The following RBMS3 variants were observed in gnomAD, a reference collection of about 807,000 sequenced individuals.
RBMS3 encodes the protein RNA binding motif single stranded interacting protein 3.
In RBMS3, 27 loss-of-function variants were observed where a neutral mutation model predicts 66.8. The ratio of observed to expected loss-of-function variants is 0.40; its 90% CI spans 0.30 to 0.56. The LOEUF (loss-of-function observed/expected upper bound fraction) is 0.56. RBMS3 is among the 20% of genes least tolerant of loss of function. The pLI is 0.40. For synonymous variants in RBMS3, 188 were observed against 183.0 expected (o/e 1.03, Z -0.22); for missense variants, 513 against 549.5 (o/e 0.93, Z 0.66).
At chr3:29,370,131 G>A (rs1282192584) in intron 1 of RBMS3, among the ~76,000 whole-genome samples, 1 of 152,164 alleles carries the variant, frequency 6.6e-6, no homozygotes, top group Non-Finnish European at 1.5e-5. Flanking sequence ...GTCTATAGAT[G>A]TAAAGAATTT....
chr3:29,922,301 C>A (rs1329478001), intron 10 of RBMS3, among the ~76,000 whole-genome samples: 5 of 151,488 alleles, frequency 3.3e-5, no homozygotes, highest in African/African-American at 1.2e-4. Context: ...TCCTGGCTAA[C>A]AAGGTGAAAC....
chr3:29,325,224 G>A (rs1467958926), intron 1 of RBMS3, among the ~76,000 whole-genome samples: 2 of 151,976 alleles, frequency 1.3e-5, no homozygotes, highest in East Asian at 1.9e-4. Context: ...TTTATATTTC[G>A]TTTGTGAAAA....
intron 6 of RBMS3, among the ~76,000 whole-genome samples, chr3:29,839,336 C>T (rs1313267693): frequency 6.6e-6 from 1 of 152,130 alleles, no homozygotes; most frequent in Non-Finnish European, 1.5e-5. Flanking sequence ...CGGTGGCTCT[C>T]ATAGTCAGGA....
At chr3:29,448,267 T>C (rs6804512) in intron 2 of RBMS3, among the ~76,000 whole-genome samples, 105,216 of 152,102 alleles carry the variant, frequency 0.69, 36,468 homozygotes, top group East Asian at 0.75. Context: ...TATCAGAGTA[T>C]GACTGTAAAA....
At chr3:29,647,037 G>A (rs895322732) in intron 4 of RBMS3, among the ~76,000 whole-genome samples, 2 of 152,122 alleles carry the variant, frequency 1.3e-5, no homozygotes, top group African/African-American at 4.8e-5. Context: ...AAGTGCAGTG[G>A]TGTGATCTTG....
chr3:29,500,509 C>T (rs560716252), intron 3 of RBMS3, among the ~76,000 whole-genome samples: 4 of 151,300 alleles, frequency 2.6e-5, no homozygotes, highest in Non-Finnish European at 5.9e-5. Flanking sequence ...TTTTGGTCAT[C>T]GACAAAACTC....
At chr3:29,511,141 C>CA (rs139431852) in intron 3 of RBMS3, among the ~76,000 whole-genome samples, 5,444 of 152,056 alleles carry the variant, frequency 0.036, 273 homozygotes, top group African/African-American at 0.11. Context: ...ACTAAAAATA[C>CA]AAAAAATTAG....
intron 4 of RBMS3, among the ~76,000 whole-genome samples, chr3:29,681,362 G>C (rs2051486212): frequency 6.6e-6 from 1 of 151,972 alleles, no homozygotes; most frequent in Non-Finnish European, 1.5e-5. Context: ...TTTATTTTAA[G>C]TTAATGGGTA....
At chr3:29,404,022 G>A (rs767133453) in intron 1 of RBMS3, among the ~76,000 whole-genome samples, 1 of 152,088 alleles carries the variant, frequency 6.6e-6, no homozygotes, top group East Asian at 1.9e-4. Context: ...TGAATATTCT[G>A]TACAGACACC....
At chr3:29,989,834 TAAGAAAATTA>T (rs1698709373) in intron 13 of RBMS3, among the ~76,000 whole-genome samples, 1 of 152,216 alleles carries the variant, frequency 6.6e-6, no homozygotes, top group South Asian at 2.1e-4. Flanking sequence ...ACCTATGCGA[TAAGAAAATTA>T]AAAATCTGGA....
intron 3 of RBMS3, among the ~76,000 whole-genome samples, chr3:29,572,335 A>G (rs2149068792): frequency 6.6e-6 from 1 of 152,240 alleles, no homozygotes; most frequent in African/African-American, 2.4e-5. Flanking sequence ...GAATGTGAAT[A>G]TCCTTGTCAT....
At chr3:29,376,508 C>T (rs963299407) in intron 1 of RBMS3, among the ~76,000 whole-genome samples, 11 of 152,254 alleles carry the variant, frequency 7.2e-5, no homozygotes, top group South Asian at 2.1e-4. Context: ...CGGTGGTTCA[C>T]GCCTGTAATC....
At chr3:29,785,612 G>A (rs1369200085) in intron 6 of RBMS3, among the ~76,000 whole-genome samples, 1 of 151,972 alleles carries the variant, frequency 6.6e-6, no homozygotes, top group Non-Finnish European at 1.5e-5. Context: ...CATCTCAATA[G>A]ATGCAGAAAA....
At position 29,564,768 on chromosome 3, in the gene RBMS3, C is replaced by T. The variant is rs138806525; in HGVS notation, c.308-22346C>T. ...TTGGAATATTTCCCTCCAGCTGTAC[C>T]TTATGTTTCAGAATAGAATTCATCC... On this transcript the variant is annotated intron_variant, in intron 3 of 14. Coordinates refer to ENST00000383767, the MANE Select transcript of RBMS3 (RefSeq NM_001003793.3). Among the ~76,000 whole-genome samples, 152 of 152,064 alleles carry T rather than the reference C, an allele frequency of 1.0e-3. No homozygotes were observed. In the East Asian group the frequency reaches 0.02, roughly 20 times the overall value.
intron 1 of RBMS3, among the ~76,000 whole-genome samples, chr3:29,386,061 T>C (rs1046762080): frequency 6.6e-6 from 1 of 152,216 alleles, no homozygotes; most frequent in African/African-American, 2.4e-5. Flanking sequence ...GTTGCTTATA[T>C]AAACTCGCTT....
chr3:29,779,373 C>T lies in RBMS3; in HGVS notation c.637+16384C>T, dbSNP rs1028720828. On this transcript the variant is annotated intron_variant, in intron 6 of 14. Coordinates refer to ENST00000383767, the MANE Select transcript of RBMS3 (RefSeq NM_001003793.3). ...GAAGAAAAGGCACACTATTAAAAAG[C>T]TCCAATTAGAGGAATGTCAGACCCA... Among the ~76,000 whole-genome samples the T allele has an allele frequency of 4.6e-5, 7 of 151,402 alleles. No homozygotes were observed. The East Asian group carries it at 1.4e-3, about 29-fold the overall frequency.
At chr3:29,297,451 G>A (rs1050977357) in intron 1 of RBMS3, among the ~76,000 whole-genome samples, 3 of 151,764 alleles carry the variant, frequency 2.0e-5, no homozygotes, top group African/African-American at 4.8e-5. Context: ...AGATGGCTCC[G>A]ATCAATGCTA....
At chr3:29,338,835 A>G (rs1360338503) in intron 1 of RBMS3, among the ~76,000 whole-genome samples, 2 of 152,060 alleles carry the variant, frequency 1.3e-5, no homozygotes, top group Non-Finnish European at 2.9e-5. Context: ...CGTATCAGCT[A>G]TTACTCCAGA....
chr3:29,913,130 G>A (rs1270516335), intron 10 of RBMS3, among the ~76,000 whole-genome samples: 1 of 151,992 alleles, frequency 6.6e-6, no homozygotes, highest in East Asian at 1.9e-4. Context: ...CACTTGCCAA[G>A]ATGAATCAGG....
Sources: allele counts gnomAD v4.1 joint callset (sites outside exome capture counted in the v4.1 genomes callset), GRCh38; gene constraint gnomAD v4.1.1; transcripts MANE v1.5; gene names NCBI Gene and HGNC (gene_info 2026-07-23, HGNC 2026-07-21).